Variants in EPHA6 observed in about 807,000 individuals in gnomAD.
EPHA6 encodes the protein ephrin type-A receptor 6.
In EPHA6, 50 loss-of-function variants were observed where a neutral mutation model predicts 112.0. The observed-to-expected ratio is 0.45, with a 90% CI of 0.36 to 0.56. The LOEUF is 0.56. Ranked by LOEUF, EPHA6 falls within the 20% of genes least tolerant of loss-of-function variation. EPHA6 has a pLI of 0.00. For missense variants in EPHA6, 1,280 were observed against 1,417.4 expected (o/e 0.90, Z 1.56); for synonymous variants, 529 against 490.7 (o/e 1.08, Z -1.03).
At chr3:97,740,876 T>G (rs2035474716) in intron 16 of EPHA6, among the ~76,000 whole-genome samples, 1 of 152,136 alleles carries the variant, frequency 6.6e-6, no homozygotes, top group South Asian at 2.1e-4. Context: ...CACCAAGTCA[T>G]AGACAACTTT....
intron 5 of EPHA6, among the ~76,000 whole-genome samples, chr3:97,311,787 T>A (rs993277936): frequency 1.6e-5 from 2 of 122,912 alleles, no homozygotes; most frequent in African/African-American, 8.2e-5. Flanking sequence ...AATTTTTTAT[T>A]TGTCTTAGAG....
intron 5 of EPHA6, among the ~76,000 whole-genome samples, chr3:97,400,548 A>G (rs960818479): frequency 2.0e-5 from 3 of 151,630 alleles, no homozygotes; most frequent in Non-Finnish European, 4.4e-5. Context: ...AATTATTTGA[A>G]TCCATGAGCA....
At chr3:97,181,060 C>T (rs192448463) in intron 3 of EPHA6, among the ~76,000 whole-genome samples, 359 of 152,172 alleles carry the variant, frequency 2.4e-3, no homozygotes, top group African/African-American at 7.7e-3. Context: ...CTGGGATCTT[C>T]GATTTCCCTC....
At chr3:96,990,625 T>C (rs2107858067) in intron 3 of EPHA6, among the ~76,000 whole-genome samples, 1 of 152,274 alleles carries the variant, frequency 6.6e-6, no homozygotes, top group East Asian at 1.9e-4. Context: ...GAATTGCTAT[T>C]TATAAACAAA....
chr3:97,171,679 G>A (rs923445780), intron 3 of EPHA6, among the ~76,000 whole-genome samples: 4 of 152,022 alleles, frequency 2.6e-5, no homozygotes, highest in African/African-American at 9.7e-5. Flanking sequence ...AACAGATTTA[G>A]GATGCAGTTA....
chr3:96,955,981 T>A (rs577989990), intron 2 of EPHA6, among the ~76,000 whole-genome samples: 3 of 152,326 alleles, frequency 2.0e-5, no homozygotes, highest in Admixed American at 1.3e-4. Context: ...GAACACATCC[T>A]TTTTTATACT....
chr3:96,947,019 G>A (rs2041299945), intron 2 of EPHA6, among the ~76,000 whole-genome samples: 1 of 151,092 alleles, frequency 6.6e-6, no homozygotes, highest in African/African-American at 2.4e-5. Context: ...TTTTGATGGG[G>A]CTGTTTGTTT....
intron 5 of EPHA6, among the ~76,000 whole-genome samples, chr3:97,357,006 T>C (rs939164705): frequency 2.0e-5 from 3 of 152,228 alleles, no homozygotes; most frequent in African/African-American, 4.8e-5. Flanking sequence ...TCTTGCTGTA[T>C]TGAAATTTTC....
intron 3 of EPHA6, among the ~76,000 whole-genome samples, chr3:97,066,755 A>AT (rs1481821374): frequency 3.3e-5 from 5 of 152,084 alleles, no homozygotes; most frequent in Admixed American, 2.6e-4. Flanking sequence ...ATCTGTTTTC[A>AT]TTTTTTTCAT....
Position 97,448,677 on chromosome 3 carries a change from C to T in EPHA6, c.1841C>T (p.Ala614Val), listed in dbSNP as rs368808214. Residue 614 changes from alanine to valine, a missense_variant, in exon 7 of 18, where the codon GCG becomes GTG. Physicochemically the swap from Ala to Val is moderately conservative, Grantham distance 64. Around this residue, in one of 4 missense-constraint regions of EPHA6, gnomAD observed 878 missense variants for 999.7 expected, o/e 0.88. Coordinates refer to ENST00000389672, the MANE Select transcript of EPHA6 (RefSeq NM_001080448.3). Reference protein sequence around the residue: ...KYVFHIRVRTATGYSGYSQKF... With the variant: ...KYVFHIRVRTVTGYSGYSQKF... The stretch of plus-strand genomic sequence containing the variant: ...GTATTTCACATCCGAGTGAGAACTG[C>T]GACAGGATACAGTGGCTACAGTCAG... 25 of 1,613,228 alleles carry T rather than the reference C, an allele frequency of 1.5e-5. No homozygotes were observed. The highest frequency in any genetic ancestry group is 1.3e-4 in the East Asian group (6 of 44,866).
At chr3:97,025,849 A>C (rs1186660520) in intron 3 of EPHA6, among the ~76,000 whole-genome samples, 1 of 152,028 alleles carries the variant, frequency 6.6e-6, no homozygotes, top group Admixed American at 6.6e-5. Context: ...CAGCCTCCCA[A>C]AGTGCTGGGA....
chr3:97,129,282 G>A (rs111418119), intron 3 of EPHA6, among the ~76,000 whole-genome samples: 23 of 151,946 alleles, frequency 1.5e-4, no homozygotes, highest in Non-Finnish European at 7.4e-5. Context: ...GGCAGATCAC[G>A]AGATCAGGAG....
chr3:97,368,299 T>A (rs948628111), intron 5 of EPHA6, among the ~76,000 whole-genome samples: 2 of 152,172 alleles, frequency 1.3e-5, no homozygotes, highest in African/African-American at 2.4e-5. Flanking sequence ...ACTATGTCAT[T>A]TCTTTTTCTC....
At chr3:96,895,205 T>A (rs889403606) in intron 2 of EPHA6, among the ~76,000 whole-genome samples, 1 of 152,112 alleles carries the variant, frequency 6.6e-6, no homozygotes, top group Non-Finnish European at 1.5e-5. Context: ...AAGACAGTGA[T>A]ATTGATGATC....
chr3:97,552,583 A>G (rs934436705), intron 11 of EPHA6, among the ~76,000 whole-genome samples: 6 of 152,188 alleles, frequency 3.9e-5, no homozygotes, highest in African/African-American at 7.2e-5. Flanking sequence ...AAAAAAGGAC[A>G]TATTATCCAG....
intron 3 of EPHA6, among the ~76,000 whole-genome samples, chr3:97,068,178 AAAAG>A: frequency 3.3e-5 from 5 of 151,654 alleles, no homozygotes; most frequent in Admixed American, 3.3e-4. Flanking sequence ...AAAAAAAAAA[AAAAG>A]AGTCAGGGAT....
At chr3:97,154,151 G>T (rs1197940069) in intron 3 of EPHA6, among the ~76,000 whole-genome samples, 1 of 146,214 alleles carries the variant, frequency 6.8e-6, no homozygotes, top group African/African-American at 2.6e-5. Flanking sequence ...GGCAACAAGA[G>T]CTAAACACTG....
At chr3:97,117,436 G>T (rs2047920968) in intron 3 of EPHA6, among the ~76,000 whole-genome samples, 1 of 151,636 alleles carries the variant, frequency 6.6e-6, no homozygotes, top group Non-Finnish European at 1.5e-5. Flanking sequence ...TTTCCTTCTA[G>T]TAGTTTTACA....
rs2035975598 is a variant in EPHA6 at position 97,754,433 on chromosome 3, A to G, written c.*5732A>G. ...GAAAGACTTGGATTCTTTGCTCTTA[A>G]TTCAAAAGAGTTTTTGTTTTATTAG... On this transcript the variant is annotated 3_prime_UTR_variant, in exon 18 of 18. Coordinates refer to ENST00000389672, the MANE Select transcript of EPHA6 (RefSeq NM_001080448.3). 1.3e-5 allele frequency among the ~76,000 whole-genome samples: 2 copies of G among 152,188 alleles called. No homozygotes were observed. Among genetic ancestry groups the G allele is most frequent in the Admixed American group, 1.3e-4 (2 of 15,280 alleles).
Sources: gnomAD v4.1 joint callset for allele counts (sites outside exome capture counted in the v4.1 genomes callset) on GRCh38, gnomAD v4.1.1 for gene constraint, gnomAD v4.1.1 regional missense constraint, MANE v1.5 for transcripts, NCBI Gene and HGNC (gene_info 2026-07-23, HGNC 2026-07-21) for gene names.